NBEA: variants seen among roughly 807,000 people sequenced by gnomAD.
NBEA encodes lysosomal-trafficking regulator 2.
In NBEA, 44 loss-of-function variants were observed where a neutral mutation model predicts 343.4. The observed-to-expected ratio is 0.13, with a 90% CI of 0.10 to 0.16. The LOEUF (loss-of-function observed/expected upper bound fraction) is 0.16. NBEA is among the 10% of genes least tolerant of loss of function. The probability of loss-of-function intolerance (pLI) is 1.00; values close to 1 mark genes in which losing one functional copy is unlikely to be tolerated. For synonymous variants in NBEA, 1,175 were observed against 1,238.7 expected (o/e 0.95, Z 1.08); for missense variants, 2,555 against 3,631.3 (o/e 0.70, Z 7.62).
At chr13:35,337,290 C>T (rs1204583951) in intron 36 of NBEA, among the ~76,000 whole-genome samples, 1 of 151,996 alleles carries the variant, frequency 6.6e-6, no homozygotes, top group Admixed American at 6.6e-5. Context: ...TAGACACAAA[C>T]AGGCTGACAG....
At chr13:35,544,007 T>C (rs1295047891) in intron 41 of NBEA, among the ~76,000 whole-genome samples, 1 of 152,142 alleles carries the variant, frequency 6.6e-6, no homozygotes, top group Non-Finnish European at 1.5e-5. Context: ...CATATGAGTG[T>C]GGACCTGAAA....
At chr13:35,495,114 C>T (rs1352735523) in intron 41 of NBEA, among the ~76,000 whole-genome samples, 1 of 151,864 alleles carries the variant, frequency 6.6e-6, no homozygotes, top group Non-Finnish European at 1.5e-5. Flanking sequence ...ATGCTGTTAA[C>T]TATGTGTTTT....
chr13:35,667,234 T>C (rs2085400897), intron 56 of NBEA, 140 bp from the exon 57 acceptor site: 1 of 664,342 alleles, frequency 1.5e-6, no homozygotes, highest in Admixed American at 2.8e-5. Context: ...GCATCAGCGC[T>C]TGGCCTGGCC....
At chr13:34,993,106 A>C (rs1195821681) in intron 1 of NBEA, among the ~76,000 whole-genome samples, 1 of 152,054 alleles carries the variant, frequency 6.6e-6, no homozygotes, top group African/African-American at 2.4e-5. Context: ...CTGCAAACAC[A>C]CTAGCCATCT....
chr13:35,056,211 A>C (rs2063253624), intron 7 of NBEA, 82 bp downstream of exon 7: 8 of 1,160,040 alleles, frequency 6.9e-6, no homozygotes, highest in Non-Finnish European at 8.9e-6. Flanking sequence ...ATAATAAAAT[A>C]GTTTGGTAGA....
chr13:35,174,812 G>A (rs117399497), intron 27 of NBEA, among the ~76,000 whole-genome samples: 10,110 of 134,488 alleles, frequency 0.075, 390 homozygotes, highest in African/African-American at 0.1. Context: ...TTTTTTTTTT[G>A]AGATGGAGTC....
At chr13:35,395,215 CCCAAAT>C (rs1183497094) in intron 38 of NBEA, among the ~76,000 whole-genome samples, 2 of 151,284 alleles carry the variant, frequency 1.3e-5, no homozygotes, top group Non-Finnish European at 2.9e-5. Context: ...TGTGTCCCTG[CCCAAAT>C]CTAATGTTGA....
Position 35,168,984 on chromosome 13 carries a change from C to T in NBEA, c.4234-3C>T. The T allele has an allele frequency of 6.7e-7, 1 of 1,484,674 alleles. No individual in the cohort carries two copies. The highest frequency in any genetic ancestry group is 8.9e-7 in the Non-Finnish European group (1 of 1,118,874). 92.0% of individuals were successfully genotyped at this position (1,484,674 alleles called of 1,614,324 possible). A position where few individuals can be genotyped will look rare whatever the true frequency, so the allele number is the denominator to read the frequency against. On this transcript the variant is annotated splice_polypyrimidine_tract_variant and splice_region_variant and intron_variant, in intron 24 of 58. Coordinates refer to ENST00000379939, the MANE Select transcript of NBEA (RefSeq NM_001385012.1). ...TTGTCTGTTTTGTCTAATGCATGTCCAGGGTTCTAAGGTTAGTATTACTTT... is the reference window on the plus strand; with the variant it reads ...TTGTCTGTTTTGTCTAATGCATGTCTAGGGTTCTAAGGTTAGTATTACTTT...
At chr13:35,394,139 T>A (rs2042629296) in intron 38 of NBEA, among the ~76,000 whole-genome samples, 1 of 152,170 alleles carries the variant, frequency 6.6e-6, no homozygotes, top group Non-Finnish European at 1.5e-5. Context: ...TTTATTTAGC[T>A]TATCTATACT....
intron 34 of NBEA, among the ~76,000 whole-genome samples, chr13:35,256,520 G>C (rs1165331773): frequency 6.6e-6 from 1 of 152,192 alleles, no homozygotes; most frequent in Non-Finnish European, 1.5e-5. Context: ...GCTTCACCAG[G>C]GTCCCACCCC....
At chr13:35,470,749 C>A (rs1200068692) in intron 40 of NBEA, among the ~76,000 whole-genome samples, 1 of 152,148 alleles carries the variant, frequency 6.6e-6, no homozygotes, top group Non-Finnish European at 1.5e-5. Context: ...CGGAGGAGGG[C>A]GCGGGAGGCA....
intron 38 of NBEA, among the ~76,000 whole-genome samples, chr13:35,424,875 T>C (rs1043746774): frequency 2.0e-4 from 30 of 152,222 alleles, no homozygotes; most frequent in African/African-American, 5.8e-4. Flanking sequence ...TGTTTTAGTC[T>C]TGGGAGGATG....
intron 40 of NBEA, among the ~76,000 whole-genome samples, chr13:35,452,949 A>G (rs536225754): frequency 6.6e-6 from 1 of 152,224 alleles, no homozygotes; most frequent in Non-Finnish European, 1.5e-5. Flanking sequence ...AAACCAGTCC[A>G]TGGAATCATA....
chr13:35,251,627 G>T, intron 34 of NBEA: 1 of 1,102,112 alleles, frequency 9.1e-7, no homozygotes, highest in Non-Finnish European at 1.2e-6. Flanking sequence ...GAGATGGCCA[G>T]ATTTGAGGTG....
At chr13:35,250,450 A>G (rs752339820) in intron 34 of NBEA, among the ~76,000 whole-genome samples, 2 of 152,212 alleles carry the variant, frequency 1.3e-5, no homozygotes, top group Non-Finnish European at 2.9e-5. Context: ...CTCATTTGCA[A>G]TCTCATAAAT....
At chr13:35,415,555 A>T in intron 38 of NBEA, among the ~76,000 whole-genome samples, 1 of 152,076 alleles carries the variant, frequency 6.6e-6, no homozygotes, top group Non-Finnish European at 1.5e-5. Context: ...GATGTATGGT[A>T]TTATTTCCAG....
intron 32 of NBEA, among the ~76,000 whole-genome samples, chr13:35,210,642 C>G (rs1240500864): frequency 6.6e-6 from 1 of 152,068 alleles, no homozygotes; most frequent in East Asian, 1.9e-4. Context: ...GCTTCAGTGC[C>G]ACAAATTTAC....
chr13:35,315,217 T>C (rs2037636862), intron 36 of NBEA, among the ~76,000 whole-genome samples: 1 of 152,206 alleles, frequency 6.6e-6, no homozygotes, highest in African/African-American at 2.4e-5. Flanking sequence ...TAAATGTTTA[T>C]CCTACTTAAC....
chr13:35,304,453 A>C (rs912215979), intron 35 of NBEA, among the ~76,000 whole-genome samples: 1 of 151,966 alleles, frequency 6.6e-6, no homozygotes, highest in Non-Finnish European at 1.5e-5. Flanking sequence ...CTCCTGATTC[A>C]AGCAATTCTC....
Sources: allele counts gnomAD v4.1 joint callset (sites outside exome capture counted in the v4.1 genomes callset), GRCh38; gene constraint gnomAD v4.1.1; transcripts MANE v1.5; gene names NCBI Gene and HGNC (gene_info 2026-07-23, HGNC 2026-07-21).